SHISA6: variants seen among roughly 807,000 people sequenced by gnomAD.
The protein encoded by SHISA6 is protein shisa-6.
A neutral mutation model predicts 47.9 loss-of-function variants in SHISA6; 22 were observed. That is an observed-to-expected ratio of 0.46 (90% CI 0.33 to 0.66). SHISA6 has a LOEUF of 0.66. SHISA6 is among the 30% of genes least tolerant of loss of function. The pLI is 0.02. For missense variants in SHISA6, 680 were observed against 764.6 expected (o/e 0.89, Z 1.30); for synonymous variants, 388 against 337.8 (o/e 1.15, Z -1.63).
At chr17:11,280,477 T>A (rs1909081314) in intron 2 of SHISA6, among the ~76,000 whole-genome samples, 1 of 152,246 alleles carries the variant, frequency 6.6e-6, no homozygotes, top group African/African-American at 2.4e-5. Flanking sequence ...TAGACTAGCA[T>A]GAATTCAGGA....
At chr17:11,428,819 C>G (rs1362513438) in intron 3 of SHISA6, among the ~76,000 whole-genome samples, 2 of 127,944 alleles carry the variant, frequency 1.6e-5, no homozygotes, top group African/African-American at 6.1e-5. Flanking sequence ...GAGTTTTGCT[C>G]TGTCGCCCAG....
intron 2 of SHISA6, among the ~76,000 whole-genome samples, chr17:11,298,761 A>G (rs542349663): frequency 6.6e-6 from 1 of 152,316 alleles, no homozygotes; most frequent in African/African-American, 2.4e-5. Flanking sequence ...CAAGAACACT[A>G]ACAAATGACT....
chr17:11,330,489 GGAGAGAGAGA>G (rs4055800), intron 2 of SHISA6, among the ~76,000 whole-genome samples: 39,065 of 147,616 alleles, frequency 0.26, 5,884 homozygotes, highest in Non-Finnish European at 0.33. Context: ...GTAATGCTAG[GGAGAGAGAGA>G]GAGAGAGAGA....
At chr17:11,284,897 C>T (rs1426778747) in intron 2 of SHISA6, among the ~76,000 whole-genome samples, 1 of 152,208 alleles carries the variant, frequency 6.6e-6, no homozygotes, top group Non-Finnish European at 1.5e-5. Context: ...CCTCTGTCCA[C>T]CTCTACTTCT....
At position 11,543,927 on chromosome 17, in the gene SHISA6, C is replaced by CA. The variant is rs1216952313; in HGVS notation, c.896-7961dup. ...TTTATAAGCAAAAAAAAAAAAAAAA[C>CA]AAAAAAAAGAACTTCAATGTAAGTC... On this transcript the variant is annotated intron_variant, in intron 3 of 5. Transcript: ENST00000441885. Among the ~76,000 whole-genome samples the CA allele has an allele frequency of 8.2e-5, 9 of 109,888 alleles. 1 individual carries two copies. Among genetic ancestry groups the CA allele is most frequent in the Middle Eastern group, 0.011 (2 of 186 alleles). 72.1% of individuals were successfully genotyped at this position (109,888 alleles called of 152,430 possible). A position where few individuals can be genotyped will look rare whatever the true frequency, so the allele number is the denominator to read the frequency against.
chr17:11,324,141 C>G (rs1233956378), intron 2 of SHISA6, among the ~76,000 whole-genome samples: 4 of 152,174 alleles, frequency 2.6e-5, no homozygotes, highest in African/African-American at 4.8e-5. Flanking sequence ...TCCCGTCCAT[C>G]TGCAGCTCTT....
At chr17:11,383,979 G>A (rs1486237585) in intron 3 of SHISA6, among the ~76,000 whole-genome samples, 1 of 152,128 alleles carries the variant, frequency 6.6e-6, no homozygotes, top group Non-Finnish European at 1.5e-5. Flanking sequence ...ACTTCTATTT[G>A]CTGAGCATTT....
chr17:11,513,371 A>G (rs2908968), intron 3 of SHISA6, among the ~76,000 whole-genome samples: 120,866 of 152,040 alleles, frequency 0.79, 48,893 homozygotes, highest in East Asian at 0.95. Context: ...TTATTTTCAT[A>G]TGTTCATTGG....
intron 2 of SHISA6, among the ~76,000 whole-genome samples, chr17:11,284,924 C>T (rs1488250555): frequency 6.6e-6 from 1 of 152,212 alleles, no homozygotes; most frequent in African/African-American, 2.4e-5. Context: ...CACAGTTGAT[C>T]TGTTTCCCCA....
chr17:11,469,743 G>C (rs749489796), intron 3 of SHISA6, among the ~76,000 whole-genome samples: 1 of 152,156 alleles, frequency 6.6e-6, no homozygotes, highest in Non-Finnish European at 1.5e-5. Flanking sequence ...CCAGACTGGA[G>C]CATCATGAGG....
intron 1 of SHISA6, among the ~76,000 whole-genome samples, 197 bp from the exon 2 acceptor site, chr17:11,263,169 C>T (rs1204166772): frequency 6.6e-6 from 1 of 152,162 alleles, no homozygotes; most frequent in African/African-American, 2.4e-5. Context: ...TAGTCTGTAC[C>T]TCCAGGCATG....
At chr17:11,429,651 C>T (rs890881846) in intron 3 of SHISA6, among the ~76,000 whole-genome samples, 7 of 150,260 alleles carry the variant, frequency 4.7e-5, no homozygotes, top group Non-Finnish European at 8.9e-5. Context: ...ATTAGCCAGG[C>T]ATGGTGGCGC....
chr17:11,302,473 G>A (rs181641398), intron 2 of SHISA6, among the ~76,000 whole-genome samples: 114 of 152,264 alleles, frequency 7.5e-4, no homozygotes, highest in African/African-American at 2.6e-3. Context: ...CATTTTTTAC[G>A]TGGTCACCTA....
At chr17:11,257,272 A>T (rs372777843) in intron 1 of SHISA6, among the ~76,000 whole-genome samples, 1 of 152,212 alleles carries the variant, frequency 6.6e-6, no homozygotes, top group Non-Finnish European at 1.5e-5. Context: ...TCCTGGCTAC[A>T]TATTTTAGAC....
chr17:11,453,555 T>C (rs1235039692), intron 3 of SHISA6, among the ~76,000 whole-genome samples: 1 of 152,218 alleles, frequency 6.6e-6, no homozygotes, highest in Admixed American at 6.5e-5. Flanking sequence ...CCTTCTCCCA[T>C]CTTACCCATC....
intron 3 of SHISA6, among the ~76,000 whole-genome samples, chr17:11,405,284 T>C (rs1278254808): frequency 6.6e-6 from 1 of 152,136 alleles, no homozygotes; most frequent in East Asian, 1.9e-4. Context: ...AGGGTGCCCC[T>C]GAGATGTAGC....
At chr17:11,369,817 G>T (rs1298633428) in intron 2 of SHISA6, among the ~76,000 whole-genome samples, 2 of 152,190 alleles carry the variant, frequency 1.3e-5, no homozygotes, top group African/African-American at 4.8e-5. Flanking sequence ...TTTCCAAGGG[G>T]ATTACAGCCA....
intron 1 of SHISA6, among the ~76,000 whole-genome samples, chr17:11,255,543 G>C (rs1250730804): frequency 6.6e-6 from 1 of 152,232 alleles, no homozygotes; most frequent in African/African-American, 2.4e-5. Context: ...TTGCAGGCTA[G>C]TGGAAGCAAA....
intron 3 of SHISA6, among the ~76,000 whole-genome samples, chr17:11,481,076 C>T (rs553114379): frequency 2.0e-5 from 3 of 151,618 alleles, no homozygotes; most frequent in Non-Finnish European, 4.4e-5. Flanking sequence ...GCCAGGAGTT[C>T]GAGACCAGCC....
Sources: allele counts gnomAD v4.1 joint callset (sites outside exome capture counted in the v4.1 genomes callset), GRCh38; gene constraint gnomAD v4.1.1; transcripts MANE v1.5; gene names NCBI Gene and HGNC (gene_info 2026-07-23, HGNC 2026-07-21).